PAIP2: variants seen among roughly 807,000 people sequenced by gnomAD.
PAIP2 encodes the protein polyadenylate-binding protein-interacting protein 2.
Under a neutral mutation model 14.8 loss-of-function variants are expected in PAIP2, and 7 were observed. That is an observed-to-expected ratio of 0.47 (90% CI 0.27 to 0.89). The LOEUF (loss-of-function observed/expected upper bound fraction) is 0.89, where lower values mean the gene tolerates loss of function less well. Among genes scored for constraint, PAIP2 ranks in the 40% least tolerant of loss-of-function variants. The probability of loss-of-function intolerance (pLI) is 0.13; values close to 1 mark genes in which losing one functional copy is unlikely to be tolerated. For missense variants in PAIP2, 122 were observed against 154.7 expected (o/e 0.79, Z 1.12); for synonymous variants, 47 against 45.3 (o/e 1.04, Z -0.15).
chr5:139,367,415 A>G (rs1475814192), intron 3 of PAIP2: 1 of 152,182 alleles, frequency 6.6e-6, no homozygotes, highest in East Asian at 1.9e-4. Flanking sequence ...GTAAAGATTT[A>G]GAGACATAGC....
At chr5:139,367,505 T>A (rs548009946) in intron 3 of PAIP2, 1 of 152,098 alleles carries the variant, frequency 6.6e-6, no homozygotes, top group Non-Finnish European at 1.5e-5. Context: ...ATGCAAAAAT[T>A]TGAATCCCAG....
intron 1 of PAIP2, among the ~76,000 whole-genome samples, chr5:139,355,095 G>A (rs998467853): frequency 2.0e-5 from 3 of 151,180 alleles, no homozygotes; most frequent in Non-Finnish European, 2.9e-5. Flanking sequence ...CAAAGTGCTG[G>A]GATTACAAGC....
intron 1 of PAIP2, among the ~76,000 whole-genome samples, chr5:139,363,102 A>G (rs1318869620): frequency 6.6e-6 from 1 of 152,016 alleles, no homozygotes; most frequent in Admixed American, 6.6e-5. Context: ...TTAGCTGGGC[A>G]TGGTAGCACG....
intron 1 of PAIP2, among the ~76,000 whole-genome samples, chr5:139,356,698 A>G (rs552682396): frequency 1.3e-5 from 2 of 151,962 alleles, no homozygotes; most frequent in Admixed American, 6.6e-5. Context: ...AGCCTAGCCA[A>G]CATGGTGAAA....
chr5:139,364,391 C>G (rs1457997557), intron 2 of PAIP2, among the ~76,000 whole-genome samples, 173 bp from the exon 3 acceptor site: 1 of 152,156 alleles, frequency 6.6e-6, no homozygotes, highest in Non-Finnish European at 1.5e-5. Flanking sequence ...TAGAAAAACC[C>G]TAAACAGATA....
chr5:139,347,195 C>A (rs1561956817), intron 1 of PAIP2, among the ~76,000 whole-genome samples: 1 of 150,894 alleles, frequency 6.6e-6, no homozygotes, highest in African/African-American at 2.4e-5. Context: ...CAACAGGAAG[C>A]ACAGACATCT....
chr5:139,345,964 A>T (rs984534350), intron 1 of PAIP2, among the ~76,000 whole-genome samples: 4 of 152,098 alleles, frequency 2.6e-5, no homozygotes, highest in Non-Finnish European at 4.4e-5. Context: ...AAAAGATGAA[A>T]CTAGTGGAGA....
chr5:139,346,055 C>CT (rs1396468027), intron 1 of PAIP2, among the ~76,000 whole-genome samples: 1 of 151,984 alleles, frequency 6.6e-6, no homozygotes, highest in Non-Finnish European at 1.5e-5. Flanking sequence ...ACCAATATGT[C>CT]TAAGAGGCAT....
At chr5:139,350,047 C>T (rs373454094) in intron 1 of PAIP2, among the ~76,000 whole-genome samples, 10 of 151,566 alleles carry the variant, frequency 6.6e-5, no homozygotes, top group East Asian at 1.9e-4. Flanking sequence ...TGGTGGCGGG[C>T]GCCTGTAATC....
intron 3 of PAIP2, among the ~76,000 whole-genome samples, chr5:139,367,969 C>T (rs905300471): frequency 2.0e-5 from 3 of 150,976 alleles, no homozygotes; most frequent in African/African-American, 2.4e-5. Flanking sequence ...TTTAGGAGGC[C>T]GAGGCAGGCA....
At chr5:139,348,177 AATTTATTT>A (rs201364549) in intron 1 of PAIP2, among the ~76,000 whole-genome samples, 2 of 149,958 alleles carry the variant, frequency 1.3e-5, no homozygotes, top group African/African-American at 2.4e-5. Flanking sequence ...ACGAGTGATG[AATTTATTT>A]ATTTATTTAT....
At position 139,364,048 on chromosome 5, in the gene PAIP2, C is replaced by T. The variant is rs1336805906; in HGVS notation, c.138+126C>T. On this transcript the variant is annotated intron_variant, in intron 2 of 3. Coordinates refer to ENST00000265192, the MANE Select transcript of PAIP2 (RefSeq NM_016480.5). ...TATGTAGACTGATGTGCCACCACTC[C>T]TGTTTATTTGGCTGCTGATTACTAC... is the stretch of plus-strand genomic sequence containing the variant. The T allele has an allele frequency of 2.7e-5, 21 of 783,738 alleles. No individual in the cohort carries two copies. The East Asian group carries it at 2.9e-4, about 11-fold the overall frequency. 48.5% of individuals were successfully genotyped at this position (783,738 alleles called of 1,614,324 possible). A position where few individuals can be genotyped will look rare whatever the true frequency, so the allele number is the denominator to read the frequency against.
intron 1 of PAIP2, among the ~76,000 whole-genome samples, chr5:139,344,177 A>G (rs892048996): frequency 3.3e-5 from 5 of 152,214 alleles, no homozygotes; most frequent in Non-Finnish European, 5.9e-5. Context: ...GACGTGAAGT[A>G]ACTTTCCCAA....
intron 1 of PAIP2, among the ~76,000 whole-genome samples, chr5:139,352,087 A>G (rs1436306187): frequency 6.6e-6 from 1 of 152,116 alleles, no homozygotes; most frequent in Non-Finnish European, 1.5e-5. Context: ...CAAAGTCCAG[A>G]ACTTTTTGAA....
rs894401710 is a variant in PAIP2, at chr5:139,348,334, G to A, written c.-27+6354G>A. On this transcript the variant is annotated intron_variant, in intron 1 of 3. Coordinates refer to ENST00000265192, the MANE Select transcript of PAIP2 (RefSeq NM_016480.5). ...CTTCTGAGTAGCTGGGACAACAGGG[G>A]ACCACCACCAAGCCTGGCTAATTTT... Among the ~76,000 whole-genome samples the A allele has an allele frequency of 7.8e-4, 118 of 151,336 alleles. 1 individual carries two copies. Among genetic ancestry groups the A allele is most frequent in the Non-Finnish European group, 1.3e-3 (89 of 67,878 alleles).
chr5:139,366,992 C>T (rs1159818530), intron 3 of PAIP2, among the ~76,000 whole-genome samples: 2 of 152,096 alleles, frequency 1.3e-5, no homozygotes, highest in Non-Finnish European at 2.9e-5. Context: ...CCCAGGAGGC[C>T]GATGCTGCAG....
At chr5:139,345,734 T>G (rs1756523976) in intron 1 of PAIP2, among the ~76,000 whole-genome samples, 1 of 151,854 alleles carries the variant, frequency 6.6e-6, no homozygotes, top group South Asian at 2.1e-4. Context: ...TTCATGCCAT[T>G]CTCTTGCCTC....
chr5:139,349,400 C>A (rs996715709), intron 1 of PAIP2, among the ~76,000 whole-genome samples: 5 of 152,100 alleles, frequency 3.3e-5, no homozygotes, highest in African/African-American at 1.2e-4. Flanking sequence ...AAGCTCACAC[C>A]ACCATGCCTG....
intron 1 of PAIP2, among the ~76,000 whole-genome samples, chr5:139,346,074 G>C (rs937614577): frequency 1.3e-4 from 20 of 151,884 alleles, no homozygotes; most frequent in African/African-American, 4.9e-4. Flanking sequence ...ATTTCAGGAG[G>C]GGAAAAACAG....
Sources: allele counts gnomAD v4.1 joint callset (sites outside exome capture counted in the v4.1 genomes callset), GRCh38; gene constraint gnomAD v4.1.1; transcripts MANE v1.5; gene names NCBI Gene and HGNC (gene_info 2026-07-23, HGNC 2026-07-21).